Variants in PYHIN1 observed in about 807,000 individuals in gnomAD.
The protein encoded by PYHIN1 is pyrin and HIN domain-containing protein 1.
In PYHIN1, 32 loss-of-function variants were observed where a neutral mutation model predicts 43.7. That is an observed-to-expected ratio of 0.73 (90% confidence interval 0.55 to 0.98). PYHIN1 has a LOEUF of 0.98. PYHIN1 is among the 50% of genes least tolerant of loss of function. PYHIN1 has a pLI of 0.00. For synonymous variants in PYHIN1, 205 were observed against 203.1 expected (o/e 1.01, Z -0.08); for missense variants, 588 against 589.5 (o/e 1.00, Z 0.03).
chr1:158,949,516 A>G lies in PYHIN1; in HGVS notation c.1359+4474A>G, dbSNP rs1445879080. 6.1e-5 allele frequency among the ~76,000 whole-genome samples: 9 copies of G among 148,630 alleles called. No individual in the cohort carries two copies. The East Asian group carries it at 1.0e-3, about 17-fold the overall frequency. On this transcript the variant is annotated intron_variant, in intron 7 of 8. Transcript: ENST00000368140. ...CATCTAGCATTAGGTATATCTCCCA[A>G]TGCTCTCCCTTCCCCCTCCCCCCAC... is the stretch of plus-strand genomic sequence containing the variant.
At position 158,942,139 on chromosome 1, in the gene PYHIN1, C is replaced by G. The variant is rs747505040; in HGVS notation, c.742C>G (p.Gln248Glu). ...MFHATVATQT[Q>E]FFHVKVLNIN... ...TCATGCTACAGTGGCTACGCAGACA[C>G]AGTTCTTTCATGTGAAGGTTTTAAA... Residue 248 changes from glutamine to glutamate, a missense_variant, in exon 5 of 9, where the codon CAG (glutamine) becomes GAG (glutamate). Coordinates refer to ENST00000368140, the MANE Select transcript of PYHIN1 (RefSeq NM_152501.5). The G allele has an allele frequency of 6.2e-7, 1 of 1,614,074 alleles. No homozygotes were observed. The highest frequency in any genetic ancestry group is 2.2e-5 in the East Asian group (1 of 44,870).
At chr1:158,944,166 C>G (rs1649088407) in intron 6 of PYHIN1, among the ~76,000 whole-genome samples, 188 bp downstream of exon 6, 1 of 152,090 alleles carries the variant, frequency 6.6e-6, no homozygotes, top group Non-Finnish European at 1.5e-5. Flanking sequence ...GGACAATTAT[C>G]TTCTTCAAAA....
downstream of PYHIN1, among the ~76,000 whole-genome samples, chr1:158,978,563 C>T (rs771325685): frequency 2.2e-4 from 33 of 152,138 alleles, no homozygotes; most frequent in Middle Eastern, 6.8e-3. Flanking sequence ...CTGAGCTACT[C>T]AAATACATAA....
chr1:158,944,909 C>G lies in PYHIN1; in HGVS notation c.1226C>G (p.Ser409Cys). ...QKNTNQRSHD[S>C]RSMALPQEQS... ...AATACAAACCAGAGAAGCCATGACT[C>G]CAGGAGCATGGCACTACCCCAGGAA... is the stretch of plus-strand genomic sequence containing the variant. The change falls in exon 7 of 9, where the codon TCC (serine) becomes TGC (cysteine). Residue 409 changes from serine to cysteine, a missense_variant. Ser to Cys is a moderately radical substitution (Grantham distance 112). Coordinates refer to ENST00000368140, the MANE Select transcript of PYHIN1 (RefSeq NM_152501.5). The G allele has an allele frequency of 6.2e-7, 1 of 1,611,684 alleles. No homozygotes were observed. The highest frequency in any genetic ancestry group is 1.1e-5 in the South Asian group (1 of 90,704).
intron 4 of PYHIN1, chr1:158,939,622 A>T: frequency 8.6e-7 from 1 of 1,168,824 alleles, no homozygotes; most frequent in Non-Finnish European, 1.2e-6. Context: ...TTCACACACC[A>T]TATTTCTTTC....
At chr1:158,976,620 G>A (rs780750582) in intron 8 of PYHIN1, 81 bp from the exon 9 acceptor site, 29 of 1,006,314 alleles carry the variant, frequency 2.9e-5, no homozygotes, top group Non-Finnish European at 4.0e-5. Flanking sequence ...CTCACAGGGA[G>A]GAGAGGCAGT....
At chr1:158,977,643 T>C (rs559614728), downstream of PYHIN1, among the ~76,000 whole-genome samples, 16 of 152,278 alleles carry the variant, frequency 1.1e-4, no homozygotes, top group African/African-American at 3.6e-4. Context: ...ACAATGTATT[T>C]ATGGATCATA....
At chr1:158,942,880 A>T (rs1422577542) in intron 5 of PYHIN1, among the ~76,000 whole-genome samples, 2 of 152,204 alleles carry the variant, frequency 1.3e-5, no homozygotes, top group Non-Finnish European at 2.9e-5. Flanking sequence ...ATTGCAGTAA[A>T]CAGGTAGGAC....
chr1:158,937,264 C>T, intron 2 of PYHIN1, 89 bp downstream of exon 2: 1 of 1,377,284 alleles, frequency 7.3e-7, no homozygotes, highest in Non-Finnish European at 9.8e-7. Flanking sequence ...GTAGCTGATA[C>T]ATCCTTTTCC....
At chr1:158,967,884 T>C (rs1772398) in intron 7 of PYHIN1, among the ~76,000 whole-genome samples, 140,050 of 152,004 alleles carry the variant, frequency 0.92, 65,618 homozygotes, top group East Asian at 1. Context: ...GATAACTGGC[T>C]AGCCATATGC....
chr1:158,960,948 A>T (rs1038311026), intron 7 of PYHIN1, among the ~76,000 whole-genome samples: 11 of 152,200 alleles, frequency 7.2e-5, no homozygotes, highest in Admixed American at 7.2e-4. Flanking sequence ...AGTTTCTTTA[A>T]TAAAATACTT....
At chr1:158,979,512 A>G (rs573005677), downstream of PYHIN1, among the ~76,000 whole-genome samples, 149 of 152,302 alleles carry the variant, frequency 9.8e-4, no homozygotes, top group African/African-American at 3.3e-3. Context: ...AATTTCCTTC[A>G]TTAAGAAAGA....
the PYHIN1 span, among the ~76,000 whole-genome samples, chr1:158,983,830 T>C: frequency 1.3e-5 from 2 of 152,162 alleles, no homozygotes; most frequent in African/African-American, 4.8e-5. Flanking sequence ...GTTATTGATC[T>C]GTTTAGGTAT....
Position 158,941,982 on chromosome 1 carries a change from A to G in PYHIN1, c.585A>G (p.Leu195=), listed in dbSNP as rs764362505. 8.1e-6 allele frequency: 13 copies of G among 1,600,892 alleles called. No homozygotes were observed. Among genetic ancestry groups the G allele is most frequent in the Non-Finnish European group, 1.0e-5 (12 of 1,174,156 alleles). ...TCCTTTTGTATCATGCGCAGAGCCT[A>G]AAACCATTGGCCAACCGTCACGCAA... The part of the protein sequence containing the change: ...APPNTSSTES[L]KPLANRHATA... The change falls in exon 5 of 9, where the codon CTA becomes CTG. Residue 195 remains leucine (L), a synonymous_variant. Coordinates refer to ENST00000368140, the MANE Select transcript of PYHIN1 (RefSeq NM_152501.5).
At chr1:158,946,723 G>A (rs1171056254) in intron 7 of PYHIN1, among the ~76,000 whole-genome samples, 1 of 152,096 alleles carries the variant, frequency 6.6e-6, no homozygotes, top group African/African-American at 2.4e-5. Flanking sequence ...TGTAATTCCG[G>A]TTTCTGTGTA....
At chr1:158,955,253 T>C (rs1649844458) in intron 7 of PYHIN1, among the ~76,000 whole-genome samples, 1 of 152,062 alleles carries the variant, frequency 6.6e-6, no homozygotes, top group African/African-American at 2.4e-5. Context: ...CAACCGGACC[T>C]AACAGACATC....
At chr1:158,965,056 A>G (rs1650554397) in intron 7 of PYHIN1, among the ~76,000 whole-genome samples, 2 of 152,136 alleles carry the variant, frequency 1.3e-5, no homozygotes, top group Non-Finnish European at 2.9e-5. Context: ...TACCAAACAA[A>G]TAGAAAGCAG....
chr1:158,961,599 C>T (rs367972254), intron 7 of PYHIN1, among the ~76,000 whole-genome samples: 9 of 152,048 alleles, frequency 5.9e-5, no homozygotes, highest in East Asian at 3.9e-4. Flanking sequence ...GGGAATGGCA[C>T]GGAGCCAGAG....
In PYHIN1 at chr1:158,976,913, T is replaced by TAC; in HGVS notation, c.*219_*220insCA. 5.9e-6 allele frequency: 1 copy of TAC among 168,358 alleles called. No individual in the cohort carries two copies. Among genetic ancestry groups the TAC allele is most frequent in the African/African-American group, 3.3e-5 (1 of 30,378 alleles). The allele number at this position is 168,358 out of a possible 1,614,324, so 10.4% of individuals were successfully genotyped here. ...ATATATATATATATATATATATATA[T>TAC]ATACCAGCTATTAATTCTAGGAAAT... is the stretch of plus-strand genomic sequence containing the variant. On this transcript the variant is annotated 3_prime_UTR_variant, in exon 9 of 9. Coordinates refer to ENST00000368140, the MANE Select transcript of PYHIN1 (RefSeq NM_152501.5).
Sources: gnomAD v4.1 joint callset for allele counts (sites outside exome capture counted in the v4.1 genomes callset) on GRCh38, gnomAD v4.1.1 for gene constraint, MANE v1.5 for transcripts, NCBI Gene and HGNC (gene_info 2026-07-23, HGNC 2026-07-21) for gene names.